Variants in GRIK1 observed in about 807,000 individuals in gnomAD.
The protein encoded by GRIK1 is glutamate ionotropic receptor kainate type subunit 1, also known as glutamate receptor ionotropic, kainate 1.
GRIK1 carries 69 observed loss-of-function variants against 105.7 expected under a neutral mutation model. The ratio of observed to expected loss-of-function variants is 0.65; its 90% CI spans 0.54 to 0.80. GRIK1 has a LOEUF of 0.80. Among genes scored for constraint, GRIK1 ranks in the 30% least tolerant of loss-of-function variants. GRIK1 has a pLI of 0.00. For synonymous variants in GRIK1, 438 were observed against 431.3 expected, an observed-to-expected ratio of 1.02 and a Z score of -0.19; for missense variants, 1,109 against 1,167.3, an observed-to-expected ratio of 0.95 and a Z score of 0.73.
chr21:29,738,623 C>T (rs117880347), intron 1 of GRIK1, among the ~76,000 whole-genome samples: 3,350 of 152,294 alleles, frequency 0.022, 60 homozygotes, highest in Non-Finnish European at 0.036. Context: ...CTTTTTCTCT[C>T]AGATATGGTA....
At chr21:29,918,853 T>C (rs1220984771) in intron 1 of GRIK1, among the ~76,000 whole-genome samples, 2 of 151,974 alleles carry the variant, frequency 1.3e-5, no homozygotes, top group African/African-American at 2.4e-5. Flanking sequence ...TCAGCCCCAA[T>C]TGCATCCAGC....
intron 4 of GRIK1, among the ~76,000 whole-genome samples, chr21:29,663,110 G>T (rs2062997244): frequency 6.6e-6 from 1 of 152,168 alleles, no homozygotes. Context: ...ATAGATTTTA[G>T]AGATAAAGCA....
At chr21:29,553,407 C>T (rs1465167810) in intron 16 of GRIK1, 3 of 1,329,194 alleles carry the variant, frequency 2.3e-6, no homozygotes, top group East Asian at 5.6e-5. Flanking sequence ...CCAGTGTATT[C>T]ATTTCAATGT....
At chr21:29,537,487 G>A in intron 17 of GRIK1, 102 bp from the exon 18 acceptor site, 1 of 932,278 alleles carries the variant, frequency 1.1e-6, no homozygotes, top group Non-Finnish European at 1.6e-6. Context: ...ATATTGGCTT[G>A]AAGGCAGCTC....
In GRIK1 at chr21:29,694,062, T is replaced by G. The variant is rs745328710; in HGVS notation, c.120A>C (p.Gly40=). 10 of 1,583,598 alleles carry G rather than the reference T, an allele frequency of 6.3e-6. No individual in the cohort carries two copies. The Admixed American group carries it at 1.7e-4, about 27-fold the overall frequency. The change falls in exon 2 of 18, where the codon GGA becomes GGC. Residue 40 remains glycine (G), a splice_region_variant and synonymous_variant. Coordinates refer to ENST00000327783, the MANE Select transcript of GRIK1 (RefSeq NM_001330994.2). ...CATTTTCCACTGTTTCAAAAATCCC[T>G]CCTGCAGAAGCAAAAGAGATGCATG... ...PQTAPQVLRI[G]GIFETVENEP...
chr21:29,884,730 C>A (rs2832473), intron 1 of GRIK1, among the ~76,000 whole-genome samples: 1 of 151,882 alleles, frequency 6.6e-6, no homozygotes, highest in Non-Finnish European at 1.5e-5. Context: ...ACCTTCAAGA[C>A]GAGACAACGG....
At chr21:29,842,825 G>A (rs2146009111) in intron 1 of GRIK1, among the ~76,000 whole-genome samples, 1 of 152,218 alleles carries the variant, frequency 6.6e-6, no homozygotes, top group Middle Eastern at 3.4e-3. Flanking sequence ...ATGATTTTTT[G>A]CACTCTGTGA....
chr21:29,870,443 G>A (rs73345420), intron 1 of GRIK1, among the ~76,000 whole-genome samples: 3 of 151,624 alleles, frequency 2.0e-5, no homozygotes, highest in South Asian at 2.1e-4. Context: ...CAGTTTAGAA[G>A]ATGAACAATA....
At chr21:29,754,581 A>G (rs914384625) in intron 1 of GRIK1, among the ~76,000 whole-genome samples, 1 of 152,214 alleles carries the variant, frequency 6.6e-6, no homozygotes, top group African/African-American at 2.4e-5. Flanking sequence ...CACATCTGAC[A>G]CAGAGGGGTG....
chr21:29,833,500 G>T (rs921468437), intron 1 of GRIK1, among the ~76,000 whole-genome samples: 9 of 152,140 alleles, frequency 5.9e-5, no homozygotes, highest in African/African-American at 2.2e-4. Context: ...CATAGCTAGA[G>T]AGGCCTCAGG....
intron 1 of GRIK1, among the ~76,000 whole-genome samples, chr21:29,902,287 T>C (rs765971773): frequency 1.3e-5 from 2 of 152,198 alleles, no homozygotes; most frequent in Non-Finnish European, 2.9e-5. Flanking sequence ...GTATTGGAAG[T>C]TCTGGCCAGG....
chr21:29,632,847 C>T (rs1459924523), intron 7 of GRIK1, among the ~76,000 whole-genome samples: 1 of 152,176 alleles, frequency 6.6e-6, no homozygotes, highest in Non-Finnish European at 1.5e-5. Flanking sequence ...CCAACACTCC[C>T]TTGCAACATT....
At chr21:29,712,281 A>T (rs969810680) in intron 1 of GRIK1, among the ~76,000 whole-genome samples, 1 of 152,104 alleles carries the variant, frequency 6.6e-6, no homozygotes, top group Non-Finnish European at 1.5e-5. Flanking sequence ...AGGTAACTCT[A>T]TTGCCAGACA....
intron 4 of GRIK1, among the ~76,000 whole-genome samples, chr21:29,664,172 G>A (rs1181324820): frequency 6.6e-6 from 1 of 152,166 alleles, no homozygotes; most frequent in Non-Finnish European, 1.5e-5. Flanking sequence ...GCATGGAAAT[G>A]TAATTACATT....
chr21:29,595,445 C>T (rs866744100), intron 9 of GRIK1, among the ~76,000 whole-genome samples: 3 of 151,446 alleles, frequency 2.0e-5, no homozygotes, highest in African/African-American at 7.3e-5. Flanking sequence ...ACTTAGTAGC[C>T]TTGTTCACTG....
At chr21:29,721,357 T>G (rs571656198) in intron 1 of GRIK1, among the ~76,000 whole-genome samples, 1 of 152,136 alleles carries the variant, frequency 6.6e-6, no homozygotes, top group Admixed American at 6.5e-5. Context: ...GGGAACATTG[T>G]GGATGAAAAG....
At chr21:29,592,080 AAGAT>A (rs1236869399) in intron 9 of GRIK1, among the ~76,000 whole-genome samples, 1 of 152,154 alleles carries the variant, frequency 6.6e-6, no homozygotes, top group Non-Finnish European at 1.5e-5. Context: ...TAAAAAGAGA[AAGAT>A]AAATGAAAGA....
intron 1 of GRIK1, among the ~76,000 whole-genome samples, chr21:29,886,028 C>T (rs750010805): frequency 2.6e-5 from 4 of 152,064 alleles, no homozygotes; most frequent in Non-Finnish European, 4.4e-5. Context: ...ATGAAACACT[C>T]TTCCTATAGA....
intron 16 of GRIK1, among the ~76,000 whole-genome samples, chr21:29,541,213 C>T (rs2089963697): frequency 6.6e-6 from 1 of 152,176 alleles, no homozygotes; most frequent in Non-Finnish European, 1.5e-5. Flanking sequence ...TGATCCACCC[C>T]CCTTGGCCTT....
Sources: gnomAD v4.1 joint callset for allele counts (sites outside exome capture counted in the v4.1 genomes callset) on GRCh38, gnomAD v4.1.1 for gene constraint, MANE v1.5 for transcripts, NCBI Gene and HGNC (gene_info 2026-07-23, HGNC 2026-07-21) for gene names.